The following ELMO1 variants were observed in gnomAD, a reference collection of about 807,000 sequenced individuals.
The protein encoded by ELMO1 is engulfment and cell motility 1.
Under a neutral mutation model 98.9 loss-of-function variants are expected in ELMO1, and 26 were observed. The ratio of observed to expected loss-of-function variants is 0.26; its 90% CI spans 0.19 to 0.36. ELMO1 has a LOEUF of 0.36. ELMO1 is among the 10% of genes least tolerant of loss of function. The pLI is 1.00. For missense variants in ELMO1, 627 were observed against 935.2 expected (o/e 0.67, Z 4.30); for synonymous variants, 346 against 346.0 (o/e 1.00, Z 0.00).
chr7:36,928,262 A>G (rs1785739901), intron 16 of ELMO1, among the ~76,000 whole-genome samples: 1 of 152,180 alleles, frequency 6.6e-6, no homozygotes, highest in Non-Finnish European at 1.5e-5. Context: ...CTATCCAAGA[A>G]TAGGATTATT....
At chr7:37,398,964 A>G (rs1041218225) in intron 1 of ELMO1, among the ~76,000 whole-genome samples, 1 of 152,110 alleles carries the variant, frequency 6.6e-6, no homozygotes, top group Non-Finnish European at 1.5e-5. Flanking sequence ...ACTTTTATGT[A>G]CCTGTACCAG....
At chr7:36,982,789 T>C (rs1791179026) in intron 16 of ELMO1, among the ~76,000 whole-genome samples, 1 of 152,242 alleles carries the variant, frequency 6.6e-6, no homozygotes, top group Non-Finnish European at 1.5e-5. Flanking sequence ...TCTTTTTTAT[T>C]GTTACATCTT....
At chr7:37,018,094 G>C (rs1010722451) in intron 15 of ELMO1, among the ~76,000 whole-genome samples, 15 of 151,964 alleles carry the variant, frequency 9.9e-5, no homozygotes, top group African/African-American at 3.4e-4. Flanking sequence ...CTAGCACATG[G>C]CATAGAATTA....
chr7:36,931,468 G>A (rs2129084314), intron 16 of ELMO1, among the ~76,000 whole-genome samples: 1 of 152,324 alleles, frequency 6.6e-6, no homozygotes, highest in South Asian at 2.1e-4. Context: ...GGGGGTGGTG[G>A]TGTGTGCCTG....
At chr7:36,974,491 T>TG (rs1040435579) in intron 16 of ELMO1, among the ~76,000 whole-genome samples, 92 of 152,154 alleles carry the variant, frequency 6.0e-4, no homozygotes, top group Admixed American at 1.1e-3. Flanking sequence ...GCTACTCTGG[T>TG]GGGGCCTTGG....
rs149291534 is a variant in ELMO1 at position 37,357,069 on chromosome 7, A to T, written c.-73-14306T>A. The stretch of plus-strand genomic sequence containing the variant: ...ACAGCCCTTGCTGAGGTTCCTCCTC[A>T]GTCATACTGCCATTAGGTCACACCC... On this transcript the variant is annotated intron_variant, in intron 1 of 21. Transcript: ENST00000310758. Among the ~76,000 whole-genome samples, 536 of 152,288 alleles carry T rather than the reference A, an allele frequency of 3.5e-3. 3 individuals are homozygous for T. The highest frequency in any genetic ancestry group is 0.012 in the African/African-American group (512 of 41,560).
chr7:37,411,310 T>C lies in ELMO1; in HGVS notation c.-74+37365A>G, dbSNP rs1167733234. ...GGTTTCTTCTAGTTTTTCAACATCCTACAACACTTTATTTTAAAACGAAAT... is the reference window on the plus strand; with the variant it reads ...GGTTTCTTCTAGTTTTTCAACATCCCACAACACTTTATTTTAAAACGAAAT... On this transcript the variant is annotated intron_variant, in intron 1 of 21. Transcript: ENST00000310758. 2.6e-5 allele frequency among the ~76,000 whole-genome samples: 4 copies of C among 152,232 alleles called. No individual in the cohort carries two copies. In the East Asian group the frequency reaches 7.7e-4, roughly 29 times the overall value.
chr7:36,879,804 G>T (rs1287242512), intron 18 of ELMO1, among the ~76,000 whole-genome samples: 3 of 152,204 alleles, frequency 2.0e-5, no homozygotes, highest in African/African-American at 7.2e-5. Context: ...TCAAAATTAT[G>T]CTATGTATAT....
intron 1 of ELMO1, among the ~76,000 whole-genome samples, chr7:37,447,206 C>T (rs973172542): frequency 6.6e-6 from 1 of 152,178 alleles, no homozygotes. Flanking sequence ...TGTGTAAATA[C>T]AGGTCATTAA....
At position 37,013,266 on chromosome 7, in the gene ELMO1, G is replaced by A. The variant is rs201201269; in HGVS notation, c.1437+33C>T. ...GCAGCAGGCCCCTTTAGCGCTGCGG[G>A]AATCCCCTGCCTCTATCCGAGATCC... is the stretch of plus-strand genomic sequence containing the variant. On this transcript the variant is annotated intron_variant, in intron 16 of 21. Transcript: ENST00000310758. The A allele has an allele frequency of 1.1e-4, 174 of 1,610,730 alleles. No homozygotes were observed. The African/African-American group carries it at 2.1e-3, about 20-fold the overall frequency.
At chr7:36,994,391 C>G (rs183450851) in intron 16 of ELMO1, among the ~76,000 whole-genome samples, 66 of 152,290 alleles carry the variant, frequency 4.3e-4, no homozygotes, top group Admixed American at 1.6e-3. Flanking sequence ...TACTGGGAAC[C>G]CTCTAGGGCT....
At chr7:37,083,324 C>T (rs999136101) in intron 15 of ELMO1, among the ~76,000 whole-genome samples, 5 of 152,188 alleles carry the variant, frequency 3.3e-5, no homozygotes, top group Non-Finnish European at 7.4e-5. Context: ...TTCTGGATTC[C>T]CCTGCAGGAA....
intron 13 of ELMO1, among the ~76,000 whole-genome samples, chr7:37,188,452 G>A (rs200897568): frequency 9.7e-3 from 46 of 4,730 alleles, no homozygotes; most frequent in Non-Finnish European, 0.014. Flanking sequence ...ACACACACAC[G>A]CAAACACACA....
chr7:37,140,624 A>C (rs564629465), intron 13 of ELMO1, among the ~76,000 whole-genome samples: 10 of 152,254 alleles, frequency 6.6e-5, no homozygotes, highest in Non-Finnish European at 1.5e-4. Flanking sequence ...AAATATTCAC[A>C]ATCTATACAT....
At chr7:37,014,757 C>A (rs1793808631) in intron 15 of ELMO1, among the ~76,000 whole-genome samples, 1 of 151,704 alleles carries the variant, frequency 6.6e-6, no homozygotes, top group South Asian at 2.1e-4. Context: ...CTTTTAAGGT[C>A]AATTCATCCT....
chr7:37,231,289 CTTCGA>C (rs1794161205), intron 8 of ELMO1, among the ~76,000 whole-genome samples: 1 of 151,018 alleles, frequency 6.6e-6, no homozygotes, highest in East Asian at 1.9e-4. Flanking sequence ...ATCTCATGTC[CTTCGA>C]TTCAAGGCAA....
chr7:37,067,242 C>T (rs1429724761), intron 15 of ELMO1, among the ~76,000 whole-genome samples: 1 of 152,152 alleles, frequency 6.6e-6, no homozygotes, highest in Non-Finnish European at 1.5e-5. Context: ...TGAGAGTAAA[C>T]ATTCTGATCA....
At chr7:36,915,311 G>T (rs143099937) in intron 16 of ELMO1, among the ~76,000 whole-genome samples, 1 of 152,224 alleles carries the variant, frequency 6.6e-6, no homozygotes, top group East Asian at 1.9e-4. Context: ...TAATTTTTCT[G>T]TCTTGCTCAG....
chr7:37,025,010 C>T (rs1584531252), intron 15 of ELMO1, among the ~76,000 whole-genome samples: 1 of 152,154 alleles, frequency 6.6e-6, no homozygotes, highest in Non-Finnish European at 1.5e-5. Context: ...TGCTAAGTAA[C>T]CCCTGGGAAT....
Sources: allele counts gnomAD v4.1 joint callset (sites outside exome capture counted in the v4.1 genomes callset), GRCh38; gene constraint gnomAD v4.1.1; transcripts MANE v1.5; gene names NCBI Gene and HGNC (gene_info 2026-07-23, HGNC 2026-07-21).